Variants in INTS7 observed in about 807,000 individuals in gnomAD.
INTS7 encodes integrator complex subunit 7, also known as chromosome 1 open reading frame 73.
A neutral mutation model predicts 109.2 loss-of-function variants in INTS7; 46 were observed. That is an observed-to-expected ratio of 0.42 (90% confidence interval 0.33 to 0.54). INTS7 has a LOEUF of 0.54. Ranked by LOEUF, INTS7 falls within the 20% of genes least tolerant of loss-of-function variation. The pLI is 0.07. For missense variants in INTS7, 929 were observed against 1,132.4 expected, an observed-to-expected ratio of 0.82 and a Z score of 2.58; for synonymous variants, 412 against 402.9, an observed-to-expected ratio of 1.02 and a Z score of -0.27.
chr1:211,950,657 C>G (rs1663045389), intron 17 of INTS7, among the ~76,000 whole-genome samples: 1 of 152,176 alleles, frequency 6.6e-6, no homozygotes, highest in Non-Finnish European at 1.5e-5. Flanking sequence ...CACAGTAATC[C>G]TATGAGGCAG....
intron 1 of INTS7, among the ~76,000 whole-genome samples, chr1:212,031,436 T>C (rs1667158510): frequency 6.6e-6 from 1 of 152,244 alleles, no homozygotes; most frequent in South Asian, 2.1e-4. Flanking sequence ...CTGTAATGTA[T>C]TTGATTATGA....
At chr1:211,947,961 T>C (rs1377832654) in intron 17 of INTS7, among the ~76,000 whole-genome samples, 1 of 152,240 alleles carries the variant, frequency 6.6e-6, no homozygotes, top group East Asian at 1.9e-4. Context: ...CCAGATCTAT[T>C]ACTGAAGTTA....
intron 1 of INTS7, among the ~76,000 whole-genome samples, chr1:212,029,588 T>C (rs1667065379): frequency 6.6e-6 from 1 of 152,266 alleles, no homozygotes; most frequent in Non-Finnish European, 1.5e-5. Context: ...ACAAGGTTCA[T>C]GATATGGGAC....
At chr1:211,963,699 T>C (rs114904158) in intron 16 of INTS7, among the ~76,000 whole-genome samples, 10,421 of 152,238 alleles carry the variant, frequency 0.068, 454 homozygotes, top group Admixed American at 0.14. Context: ...AATCAATAAA[T>C]GTGATTCATC....
intron 7 of INTS7, among the ~76,000 whole-genome samples, chr1:212,005,357 C>G (rs1161394103): frequency 6.6e-6 from 1 of 152,132 alleles, no homozygotes; most frequent in Non-Finnish European, 1.5e-5. Flanking sequence ...AAAGTTTCAA[C>G]CAGGAAGGAC....
At position 211,952,688 on chromosome 1, in the gene INTS7, C is replaced by T. The variant is rs775453919; in HGVS notation, c.2197G>A (p.Gly733Arg). The stretch of plus-strand genomic sequence containing the variant: ...TCAGCATGGGCTGTTCCAGTAGATC[C>T]ATATTCCTGGAAACTGAAGTAAAGG... ...DPESASFQEY[G>R]STGTAHADSE... The change falls in exon 17 of 20, where the codon GGA (glycine) becomes AGA (arginine). Residue 733 changes from glycine (G) to arginine (R), a missense_variant. Gly to Arg is a moderately radical substitution (Grantham distance 125). This residue lies in a region of INTS7 where 787 missense variants were observed against 901.1 expected (regional missense o/e 0.87). Transcript: ENST00000366994. 1 of 1,611,960 alleles carries T rather than the reference C, an allele frequency of 6.2e-7. No individual in the cohort carries two copies. The highest frequency in any genetic ancestry group is 1.7e-5 in the Admixed American group (1 of 59,846).
intron 13 of INTS7, among the ~76,000 whole-genome samples, chr1:211,971,450 T>C (rs187629880): frequency 6.6e-6 from 1 of 152,322 alleles, no homozygotes; most frequent in Non-Finnish European, 1.5e-5. Flanking sequence ...TGCAAGACTA[T>C]ATGGCAGGGA....
intron 13 of INTS7, among the ~76,000 whole-genome samples, chr1:211,974,839 A>G (rs1212480087): frequency 6.6e-6 from 1 of 152,170 alleles, no homozygotes; most frequent in Non-Finnish European, 1.5e-5. Context: ...AGATGAGGTC[A>G]GGGGTTTATG....
At chr1:211,947,158 T>C (rs1442918788) in intron 17 of INTS7, among the ~76,000 whole-genome samples, 3 of 152,194 alleles carry the variant, frequency 2.0e-5, no homozygotes, top group African/African-American at 4.8e-5. Flanking sequence ...TCTATGGCCA[T>C]TGGTCCTCAG....
In INTS7 at chr1:211,984,779, CTTTCTTTTT is replaced by C. The variant is rs1664820733; in HGVS notation, c.998-1978_998-1970del. ...AATTTACAAGCACATTTATTCCTTT[CTTTCTTTTT>C]CCTTTTCACATACTGTTTTCCATCT... On this transcript the variant is annotated intron_variant, in intron 8 of 19. Coordinates refer to ENST00000366994, the MANE Select transcript of INTS7 (RefSeq NM_015434.4). Among the ~76,000 whole-genome samples the C allele has an allele frequency of 3.9e-5, 6 of 152,156 alleles. No individual in the cohort carries two copies. The South Asian group carries it at 1.2e-3, about 32-fold the overall frequency.
chr1:212,006,883 T>G (rs1002798123), intron 6 of INTS7, 122 bp from the exon 7 acceptor site: 15 of 750,398 alleles, frequency 2.0e-5, no homozygotes, highest in Non-Finnish European at 3.0e-5. Context: ...GCCCTGTCAC[T>G]CACTAGCTAT....
At chr1:211,954,767 G>C (rs1663284972) in intron 16 of INTS7, among the ~76,000 whole-genome samples, 1 of 152,082 alleles carries the variant, frequency 6.6e-6, no homozygotes. Flanking sequence ...TCTCTGTTTT[G>C]GTACCAGTAC....
chr1:212,027,061 G>T (rs922708530), intron 1 of INTS7, among the ~76,000 whole-genome samples: 1 of 152,146 alleles, frequency 6.6e-6, no homozygotes, highest in Non-Finnish European at 1.5e-5. Flanking sequence ...AACGCCACGG[G>T]GTAAATGAAC....
chr1:211,979,576 T>G (rs1664563542), intron 10 of INTS7, among the ~76,000 whole-genome samples: 1 of 152,186 alleles, frequency 6.6e-6, no homozygotes, highest in South Asian at 2.1e-4. Flanking sequence ...TACTTTAAAA[T>G]TATATTATCT....
chr1:211,942,130 T>C lies in INTS7; in HGVS notation c.2602-19A>G. On this transcript the variant is annotated intron_variant, in intron 19 of 19. Coordinates refer to ENST00000366994, the MANE Select transcript of INTS7 (RefSeq NM_015434.4). This position sits in a 1 kb window ranked among gnomAD's most constrained non-coding sequence, Gnocchi z 4.2. ...TGGGTATCTGCAATGAAACAATTGT[T>C]AACTAACAACAATGGCTAACATTTC... The C allele has an allele frequency of 6.2e-7, 1 of 1,608,572 alleles. No homozygotes were observed. Among genetic ancestry groups the C allele is most frequent in the Non-Finnish European group, 8.5e-7 (1 of 1,176,412 alleles).
chr1:211,997,902 C>G (rs1038930886), intron 7 of INTS7, among the ~76,000 whole-genome samples: 11 of 150,984 alleles, frequency 7.3e-5, no homozygotes, highest in African/African-American at 2.4e-4. Flanking sequence ...AACCACAATA[C>G]TATTAAGATG....
chr1:212,029,245 A>C (rs919605849), intron 1 of INTS7, among the ~76,000 whole-genome samples: 4 of 152,240 alleles, frequency 2.6e-5, no homozygotes, highest in Admixed American at 2.6e-4. Context: ...CTTAAGAAAC[A>C]ATTTTAAGGC....
chr1:211,942,206 T>G lies in INTS7; in HGVS notation c.2602-95A>C. ...CTGTTCTAAGAGCTTATTTAGACCA[T>G]GCAGACAATAAAAAATTAGGTACTG... On this transcript the variant is annotated intron_variant, in intron 19 of 19. Transcript: ENST00000366994. This position sits in a 1 kb window ranked among gnomAD's most constrained non-coding sequence, Gnocchi z 4.2. 7.5e-7 allele frequency: 1 copy of G among 1,334,730 alleles called. No homozygotes were observed. The highest frequency in any genetic ancestry group is 1.0e-6 in the Non-Finnish European group (1 of 966,612). 82.7% of individuals were successfully genotyped at this position (1,334,730 alleles called of 1,614,324 possible). A position where few individuals can be genotyped will look rare whatever the true frequency, so the allele number is the denominator to read the frequency against.
At position 211,942,735 on chromosome 1, in the gene INTS7, A is replaced by G. The variant is rs372727200; in HGVS notation, c.2602-624T>C. Among the ~76,000 whole-genome samples, 18 of 152,278 alleles carry G rather than the reference A, an allele frequency of 1.2e-4. No individual in the cohort carries two copies. The South Asian group carries it at 3.7e-3, about 32-fold the overall frequency. On this transcript the variant is annotated intron_variant, in intron 19 of 19. Transcript: ENST00000366994. The surrounding 1 kb of genome is among the most constrained non-coding windows in gnomAD (Gnocchi z 4.2). ...GACTGGAAGTACAATATGTTATAAAACACAGATTTATAGGCTCATTCATTT... is the reference window on the plus strand; with the variant it reads ...GACTGGAAGTACAATATGTTATAAAGCACAGATTTATAGGCTCATTCATTT...
Sources: gnomAD v4.1 joint callset for allele counts (sites outside exome capture counted in the v4.1 genomes callset) on GRCh38, gnomAD v4.1.1 for gene constraint, gnomAD v4.1.1 regional missense constraint, Gnocchi (gnomAD v3.1) non-coding constraint, MANE v1.5 for transcripts, NCBI Gene and HGNC (gene_info 2026-07-23, HGNC 2026-07-21) for gene names.